The following PLEKHA6 variants were observed in gnomAD, a reference collection of about 807,000 sequenced individuals.
PLEKHA6 encodes the protein pleckstrin homology domain-containing family A member 6.
In PLEKHA6, 60 loss-of-function variants were observed where a neutral mutation model predicts 116.7. That is an observed-to-expected ratio of 0.51 (90% CI 0.42 to 0.64). The LOEUF (loss-of-function observed/expected upper bound fraction) is 0.64. Among genes scored for constraint, PLEKHA6 ranks in the 30% least tolerant of loss-of-function variants. The pLI, the probability that PLEKHA6 is intolerant of heterozygous loss-of-function variation, is 0.00. For missense variants in PLEKHA6, 1,338 were observed against 1,422.7 expected (o/e 0.94, Z 0.96); for synonymous variants, 489 against 556.1 (o/e 0.88, Z 1.70).
chr1:204,276,613 A>C (rs1668032083), intron 1 of PLEKHA6, among the ~76,000 whole-genome samples: 1 of 148,550 alleles, frequency 6.7e-6, no homozygotes, highest in African/African-American at 2.5e-5. Context: ...AACTGCTGGA[A>C]TCTTCCCTGC....
At chr1:204,266,092 T>G (rs1666780339) in intron 5 of PLEKHA6, among the ~76,000 whole-genome samples, 1 of 152,212 alleles carries the variant, frequency 6.6e-6, no homozygotes, top group Admixed American at 6.5e-5. Flanking sequence ...TATAAACTCC[T>G]TAAGCCCTGC....
At chr1:204,273,811 TCCACAC>T in intron 2 of PLEKHA6, 71 bp from the exon 3 acceptor site, 1 of 1,058,464 alleles carries the variant, frequency 9.4e-7, no homozygotes, top group African/African-American at 1.6e-5. Flanking sequence ...CCATCCTTTT[TCCACAC>T]CCTGCCACCC....
intron 1 of PLEKHA6, 183 bp from the exon 2 acceptor site, chr1:204,274,992 G>T: frequency 2.3e-6 from 2 of 861,426 alleles, no homozygotes; most frequent in Non-Finnish European, 2.8e-6. Context: ...GGGGCGGGGT[G>T]GGGGAAGGAA....
chr1:204,352,706 C>T lies in PLEKHA6; in HGVS notation c.-95+6988G>A, dbSNP rs145388919. On this transcript the variant is annotated intron_variant, in intron 1 of 22. Coordinates refer to ENST00000272203, the MANE Select transcript of PLEKHA6 (RefSeq NM_014935.5). ...GTGAGTTTAAAAATTTTTTTTTGAC[C>T]GGTCACAGTGGCTCACGCCTGTAGT... is the stretch of plus-strand genomic sequence containing the variant. Among the ~76,000 whole-genome samples, 261 of 152,164 alleles carry T rather than the reference C, an allele frequency of 1.7e-3. 2 individuals are homozygous for T. Among genetic ancestry groups the T allele is most frequent in the African/African-American group, 5.9e-3 (245 of 41,532 alleles).
At chr1:204,314,588 G>A (rs1572168158) in intron 1 of PLEKHA6, among the ~76,000 whole-genome samples, 1 of 152,278 alleles carries the variant, frequency 6.6e-6, no homozygotes, top group South Asian at 2.1e-4. Context: ...GTAGCTCCTG[G>A]CGGACCTCAC....
chr1:204,308,343 G>A (rs1423821246), intron 1 of PLEKHA6, among the ~76,000 whole-genome samples: 2 of 152,138 alleles, frequency 1.3e-5, no homozygotes, highest in South Asian at 2.1e-4. Flanking sequence ...CCAGGGGTTC[G>A]AGGCTGCAGT....
intron 1 of PLEKHA6, among the ~76,000 whole-genome samples, chr1:204,342,934 C>A (rs1013048639): frequency 9.9e-5 from 15 of 152,138 alleles, no homozygotes; most frequent in African/African-American, 3.4e-4. Flanking sequence ...CCAAATAGAA[C>A]GCCAGATCGC....
upstream of PLEKHA6, among the ~76,000 whole-genome samples, chr1:204,360,327 C>A (rs1245506964): frequency 2.6e-5 from 4 of 151,730 alleles, no homozygotes; most frequent in Non-Finnish European, 5.9e-5. Context: ...CAGAGAGGGG[C>A]ACGTCTCTAG....
intron 1 of PLEKHA6, among the ~76,000 whole-genome samples, chr1:204,340,465 A>G (rs1274287926): frequency 6.6e-6 from 1 of 152,132 alleles, no homozygotes; most frequent in East Asian, 1.9e-4. Context: ...TACCAGCACA[A>G]CTGCGGAGAG....
At chr1:204,254,635 G>C (rs1008121361) in intron 9 of PLEKHA6, among the ~76,000 whole-genome samples, 3 of 152,094 alleles carry the variant, frequency 2.0e-5, no homozygotes, top group African/African-American at 7.2e-5. Context: ...AGTTTCCTCA[G>C]CTGTAAAATG....
Position 204,267,558 on chromosome 1 carries a change from T to C in PLEKHA6, c.208-11A>G. On this transcript the variant is annotated splice_polypyrimidine_tract_variant and intron_variant, in intron 4 of 22. Transcript: ENST00000272203. ...AACCCCGGAGCTGGCCTGCGGGACA[T>C]GGGAGAGGCAGATGTGAGGGCTGCA... 1 of 1,612,918 alleles carries C rather than the reference T, an allele frequency of 6.2e-7. No individual in the cohort carries two copies. The highest frequency in any genetic ancestry group is 8.5e-7 in the Non-Finnish European group (1 of 1,179,180).
At chr1:204,365,285 T>C (rs1673628110) in intron 3 of PLEKHA6, among the ~76,000 whole-genome samples, 1 of 152,148 alleles carries the variant, frequency 6.6e-6, no homozygotes, top group Admixed American at 6.5e-5. Flanking sequence ...ATGACCAAAT[T>C]TGAATTCTAG....
intron 17 of PLEKHA6, among the ~76,000 whole-genome samples, chr1:204,232,512 G>A (rs1461738718): frequency 6.6e-6 from 1 of 152,136 alleles, no homozygotes; most frequent in East Asian, 1.9e-4. Context: ...ATCTAGAATG[G>A]ATACCCTTGA....
intron 15 of PLEKHA6, among the ~76,000 whole-genome samples, chr1:204,244,289 G>A (rs1204379059): frequency 2.0e-5 from 3 of 148,332 alleles, no homozygotes; most frequent in African/African-American, 7.5e-5. Context: ...GCGCCACCAC[G>A]CTCAGCTAAT....
At chr1:204,311,561 T>C (rs1671659566) in intron 1 of PLEKHA6, 1 of 949,682 alleles carries the variant, frequency 1.1e-6, no homozygotes, top group Admixed American at 6.2e-5. Flanking sequence ...TTAAGGCTTC[T>C]TGAGTGTAAC....
chr1:204,307,731 G>T, intron 1 of PLEKHA6: 1 of 266,782 alleles, frequency 3.7e-6, no homozygotes, highest in Non-Finnish European at 5.8e-6. Flanking sequence ...CCCTCTAGCT[G>T]CAGCAACTCC....
chr1:204,245,249 G>A (rs185544631), intron 14 of PLEKHA6, among the ~76,000 whole-genome samples: 19 of 152,188 alleles, frequency 1.2e-4, no homozygotes, highest in Middle Eastern at 3.4e-3. Context: ...TTGTCCCTGA[G>A]GTGTCAAGGA....
chr1:204,323,442 C>T (rs73077586), intron 1 of PLEKHA6, among the ~76,000 whole-genome samples: 5,193 of 152,334 alleles, frequency 0.034, 268 homozygotes, highest in African/African-American at 0.12. Context: ...TTCAGGTCCT[C>T]TGACTCCCAA....
chr1:204,268,374 AG>A, intron 3 of PLEKHA6, 62 bp from the exon 4 acceptor site: 1 of 1,197,244 alleles, frequency 8.4e-7, no homozygotes, highest in Non-Finnish European at 1.2e-6. Context: ...TTTATCTGCA[AG>A]GGAGCCACCC....
Sources: allele counts gnomAD v4.1 joint callset (sites outside exome capture counted in the v4.1 genomes callset), GRCh38; gene constraint gnomAD v4.1.1; transcripts MANE v1.5; gene names NCBI Gene and HGNC (gene_info 2026-07-23, HGNC 2026-07-21).